The following BNC2 variants were observed in gnomAD, a reference collection of about 807,000 sequenced individuals.
The protein encoded by BNC2 is zinc finger protein basonuclin-2.
BNC2 carries 20 observed loss-of-function variants against 76.3 expected under a neutral mutation model. The observed-to-expected ratio is 0.26, with a 90% CI of 0.18 to 0.38. BNC2 has a LOEUF of 0.38. Among genes scored for constraint, BNC2 ranks in the 10% least tolerant of loss-of-function variants. The pLI is 1.00. For missense variants in BNC2, 1,382 were observed against 1,399.8 expected, an observed-to-expected ratio of 0.99 and a Z score of 0.20; for synonymous variants, 582 against 514.8, an observed-to-expected ratio of 1.13 and a Z score of -1.77.
At chr9:16,525,820 GCA>G (rs1454148093) in intron 5 of BNC2, among the ~76,000 whole-genome samples, 1 of 152,056 alleles carries the variant, frequency 6.6e-6, no homozygotes, top group African/African-American at 2.4e-5. Context: ...TGTTTTACAT[GCA>G]CAGACTATTT....
At chr9:16,677,512 G>A (rs181365905) in intron 3 of BNC2, among the ~76,000 whole-genome samples, 1,870 of 151,730 alleles carry the variant, frequency 0.012, 15 homozygotes, top group South Asian at 0.044. Flanking sequence ...GGTGGAGGTT[G>A]CAGTGAGCCA....
intron 3 of BNC2, among the ~76,000 whole-genome samples, chr9:16,606,819 A>G (rs556321429): frequency 2.6e-5 from 4 of 152,218 alleles, no homozygotes; most frequent in East Asian, 1.9e-4. Context: ...GGGCCTCCCA[A>G]CGTGCTGGGA....
chr9:16,653,716 A>G (rs1171651153), intron 3 of BNC2, among the ~76,000 whole-genome samples: 1 of 152,164 alleles, frequency 6.6e-6, no homozygotes, highest in Non-Finnish European at 1.5e-5. Flanking sequence ...AGTTGTCTGC[A>G]CCATACCAAG....
chr9:16,512,481 C>A (rs1054806768), intron 5 of BNC2, among the ~76,000 whole-genome samples: 1 of 140,094 alleles, frequency 7.1e-6, no homozygotes, highest in Admixed American at 6.9e-5. Flanking sequence ...AGGTAACACA[C>A]GCGCACACAC....
intron 5 of BNC2, among the ~76,000 whole-genome samples, chr9:16,519,657 T>G (rs534527981): frequency 6.6e-6 from 1 of 152,330 alleles, no homozygotes; most frequent in East Asian, 1.9e-4. Context: ...TAGCTGCTAC[T>G]TGTGGAGTTC....
At chr9:16,755,483 T>A (rs555323126) in intron 1 of BNC2, among the ~76,000 whole-genome samples, 1 of 152,214 alleles carries the variant, frequency 6.6e-6, no homozygotes, top group African/African-American at 2.4e-5. Flanking sequence ...GCTTAACCAT[T>A]AGGGTAATAT....
chr9:16,553,009 T>C (rs1426280797), intron 4 of BNC2, among the ~76,000 whole-genome samples: 1 of 152,132 alleles, frequency 6.6e-6, no homozygotes, highest in African/African-American at 2.4e-5. Context: ...CAACAACAAA[T>C]AGAAAACACA....
At chr9:16,599,908 G>A (rs934538615) in intron 3 of BNC2, among the ~76,000 whole-genome samples, 2 of 152,166 alleles carry the variant, frequency 1.3e-5, no homozygotes, top group African/African-American at 2.4e-5. Flanking sequence ...AGCACCATAG[G>A]ACAAGCCAAT....
chr9:16,438,249 T>G (rs747964120), intron 5 of BNC2, among the ~76,000 whole-genome samples: 18 of 152,188 alleles, frequency 1.2e-4, no homozygotes, highest in Non-Finnish European at 1.9e-4. Flanking sequence ...AAAGTTTGAG[T>G]TAGACTTAAT....
At chr9:16,471,527 C>T (rs574446526) in intron 5 of BNC2, among the ~76,000 whole-genome samples, 3 of 152,098 alleles carry the variant, frequency 2.0e-5, no homozygotes, top group Admixed American at 6.6e-5. Flanking sequence ...CTCCTGACCT[C>T]GTGATCCGCC....
chr9:16,562,032 T>A (rs527296628), intron 4 of BNC2, among the ~76,000 whole-genome samples: 24 of 152,004 alleles, frequency 1.6e-4, no homozygotes, highest in African/African-American at 5.5e-4. Context: ...AAAAAACAAT[T>A]AATAAAGGCT....
intron 5 of BNC2, among the ~76,000 whole-genome samples, chr9:16,495,206 G>C (rs1016810791): frequency 6.6e-6 from 1 of 152,098 alleles, no homozygotes; most frequent in Non-Finnish European, 1.5e-5. Flanking sequence ...TCCTAAAAAA[G>C]GACAGTCGTA....
intron 1 of BNC2, among the ~76,000 whole-genome samples, chr9:16,772,947 C>T (rs1405812767): frequency 6.6e-6 from 1 of 152,198 alleles, no homozygotes; most frequent in East Asian, 1.9e-4. Flanking sequence ...AACAGAGCTA[C>T]TTTCATTACT....
chr9:16,698,249 A>T (rs2134523454), intron 3 of BNC2, among the ~76,000 whole-genome samples: 1 of 152,230 alleles, frequency 6.6e-6, no homozygotes, highest in South Asian at 2.1e-4. Flanking sequence ...GCAGTATCAC[A>T]TCTGTCTTCA....
At chr9:16,481,336 C>T (rs528692629) in intron 5 of BNC2, among the ~76,000 whole-genome samples, 9 of 152,264 alleles carry the variant, frequency 5.9e-5, no homozygotes, top group South Asian at 4.2e-4. Flanking sequence ...CCTTCCACAT[C>T]GTGGAAGCTT....
chr9:16,752,639 A>G (rs1371292389), intron 1 of BNC2, among the ~76,000 whole-genome samples: 2 of 74,834 alleles, frequency 2.7e-5, no homozygotes, highest in Admixed American at 1.7e-4. Flanking sequence ...CACACAAGTT[A>G]CAAAATAATC....
chr9:16,541,457 C>T (rs966889821), intron 5 of BNC2, among the ~76,000 whole-genome samples: 2 of 152,088 alleles, frequency 1.3e-5, no homozygotes, highest in South Asian at 4.2e-4. Flanking sequence ...CATGTCAATA[C>T]GTGGAAAAGC....
rs1461705712 is a variant in BNC2, at chr9:16,418,751, G to A, written c.*238C>T. ...ACTCTGTTTTCACCCTGAAATCAAAGATCCCACTCCTTTCCCAAAACTATA... is the reference window on the plus strand; with the variant it reads ...ACTCTGTTTTCACCCTGAAATCAAAAATCCCACTCCTTTCCCAAAACTATA... On this transcript the variant is annotated 3_prime_UTR_variant, in exon 7 of 7. Transcript: ENST00000380672. 3.9e-6 allele frequency: 2 copies of A among 508,974 alleles called. No individual in the cohort carries two copies. Among genetic ancestry groups the A allele is most frequent in the African/African-American group, 4.0e-5 (2 of 49,960 alleles). 31.5% of individuals were successfully genotyped at this position (508,974 alleles called of 1,614,324 possible). A position where few individuals can be genotyped will look rare whatever the true frequency, so the allele number is the denominator to read the frequency against.
intron 3 of BNC2, among the ~76,000 whole-genome samples, chr9:16,594,233 C>T (rs1820006554): frequency 6.6e-6 from 1 of 152,066 alleles, no homozygotes; most frequent in Non-Finnish European, 1.5e-5. Context: ...CTAGAAAGAA[C>T]AATCGATTTG....
Sources: gnomAD v4.1 joint callset for allele counts (sites outside exome capture counted in the v4.1 genomes callset) on GRCh38, gnomAD v4.1.1 for gene constraint, MANE v1.5 for transcripts, NCBI Gene and HGNC (gene_info 2026-07-23, HGNC 2026-07-21) for gene names.